Variants in HSD17B4 observed in about 807,000 individuals in gnomAD.
The protein encoded by HSD17B4 is hydroxysteroid 17-beta dehydrogenase 4.
In HSD17B4, 70 loss-of-function variants were observed where a neutral mutation model predicts 101.0. The ratio of observed to expected loss-of-function variants is 0.69; its 90% CI spans 0.57 to 0.85. HSD17B4 has a LOEUF of 0.85. HSD17B4 is among the 40% of genes least tolerant of loss of function. HSD17B4 has a pLI of 0.00. For synonymous variants in HSD17B4, 347 were observed against 297.1 expected (o/e 1.17, Z -1.73); for missense variants, 984 against 892.4 (o/e 1.10, Z -1.31).
intron 1 of HSD17B4, among the ~76,000 whole-genome samples, chr5:119,454,416 T>C (rs559477797): frequency 7.0e-4 from 106 of 151,544 alleles, no homozygotes; most frequent in Non-Finnish European, 1.1e-3. Context: ...AGTGATCCTT[T>C]TGCATCAGCT....
intron 17 of HSD17B4, among the ~76,000 whole-genome samples, chr5:119,517,222 C>T (rs1752701584): frequency 6.6e-6 from 1 of 152,214 alleles, no homozygotes; most frequent in Non-Finnish European, 1.5e-5. Context: ...CCTGCTGGCC[C>T]CGGGCAATGA....
At chr5:119,468,144 T>G (rs1292938361) in intron 2 of HSD17B4, among the ~76,000 whole-genome samples, 1 of 152,106 alleles carries the variant, frequency 6.6e-6, no homozygotes, top group Non-Finnish European at 1.5e-5. Flanking sequence ...AGTTTGGTGG[T>G]TTTTTTGTAG....
rs185862616 is a variant in HSD17B4 at position 119,477,152 on chromosome 5, G to A, written c.350-265G>A. On this transcript the variant is annotated intron_variant, in intron 6 of 23. Coordinates refer to ENST00000510025, the MANE Select transcript of HSD17B4 (RefSeq NM_000414.4). ...TTTATATGAAGTAGGCATAAAATAA[G>A]GGCGTAGCATTATATTTAGATGTGT... Among the ~76,000 whole-genome samples, 481 of 152,218 alleles carry A rather than the reference G, an allele frequency of 3.2e-3. 19 individuals carry two copies. Among genetic ancestry groups the A allele is most frequent in the Admixed American group, 0.03 (465 of 15,284 alleles).
At chr5:119,463,505 T>C (rs1755473836) in intron 2 of HSD17B4, among the ~76,000 whole-genome samples, 1 of 151,228 alleles carries the variant, frequency 6.6e-6, no homozygotes, top group African/African-American at 2.4e-5. Context: ...TTCTTCACAT[T>C]TTTGTCATCC....
intron 21 of HSD17B4, chr5:119,530,199 T>G: frequency 2.0e-6 from 1 of 504,784 alleles, no homozygotes; most frequent in East Asian, 3.3e-5. Flanking sequence ...CTAGGATATC[T>G]TTCAAGAGAA....
intron 4 of HSD17B4, 142 bp from the exon 5 acceptor site, chr5:119,475,562 CTT>C (rs1328733821): frequency 1.1e-5 from 7 of 665,240 alleles, no homozygotes; most frequent in Non-Finnish European, 1.8e-5. Context: ...TAGGTATAGA[CTT>C]TTGTTTTGAA....
chr5:119,456,093 A>G (rs776616825), intron 1 of HSD17B4, among the ~76,000 whole-genome samples: 12 of 152,178 alleles, frequency 7.9e-5, no homozygotes, highest in Non-Finnish European at 1.6e-4. Flanking sequence ...AATGGTAGGA[A>G]GTGGTAGTAG....
chr5:119,531,188 T>C, intron 21 of HSD17B4, 78 bp from the exon 22 acceptor site: 1 of 1,448,042 alleles, frequency 6.9e-7, no homozygotes, highest in Non-Finnish European at 9.7e-7. Context: ...ATCTTTTTTT[T>C]GCACATGTTT....
intron 2 of HSD17B4, among the ~76,000 whole-genome samples, chr5:119,463,539 C>G (rs1047739586): frequency 2.8e-5 from 4 of 141,116 alleles, no homozygotes; most frequent in African/African-American, 1.1e-4. Context: ...TTTTTTTTGC[C>G]TTTTTGATAG....
chr5:119,458,078 A>G (rs1405319563), intron 2 of HSD17B4, among the ~76,000 whole-genome samples: 5 of 152,194 alleles, frequency 3.3e-5, no homozygotes, highest in African/African-American at 7.2e-5. Context: ...TGCTGTGTCT[A>G]TCTATTTTGT....
At chr5:119,525,130 C>G (rs1580695378) in intron 17 of HSD17B4, 86 bp from the exon 18 acceptor site, 2 of 860,208 alleles carry the variant, frequency 2.3e-6, no homozygotes, top group Non-Finnish European at 4.0e-6. Context: ...AATGCTTATA[C>G]CAATAACCAG....
At chr5:119,455,299 A>T (rs1754500257) in intron 1 of HSD17B4, among the ~76,000 whole-genome samples, 1 of 152,134 alleles carries the variant, frequency 6.6e-6, no homozygotes, top group Non-Finnish European at 1.5e-5. Flanking sequence ...TGGGCTGATC[A>T]CGAGGTCAAG....
In HSD17B4 at chr5:119,531,320, G is replaced by A; in HGVS notation, c.1909G>A (p.Asp637Asn). ...VFEEIGRRLK[D>N]IGPEVVKKVN... Reference sequence around the variant, plus strand: ...TGAGGAAATAGGACGCCGCCTAAAGGATATTGGGCCTGAGGTGGTGAAGAA... The same window carrying A: ...TGAGGAAATAGGACGCCGCCTAAAGAATATTGGGCCTGAGGTGGTGAAGAA... Residue 637 changes from aspartate to asparagine, a missense_variant, in exon 22 of 24, where the codon GAT becomes AAT. Physicochemically the swap from Asp to Asn is conservative, Grantham distance 23. Coordinates refer to ENST00000510025, the MANE Select transcript of HSD17B4 (RefSeq NM_000414.4). The A allele has an allele frequency of 6.2e-7, 1 of 1,613,124 alleles. No homozygotes were observed. The highest frequency in any genetic ancestry group is 1.1e-5 in the South Asian group (1 of 91,062).
chr5:119,473,101 C>T (rs1561439199), intron 2 of HSD17B4, among the ~76,000 whole-genome samples: 1 of 151,944 alleles, frequency 6.6e-6, no homozygotes, highest in Non-Finnish European at 1.5e-5. Context: ...GTGCTAATAT[C>T]CTTTGTTATT....
chr5:119,519,650 TC>T (rs1752942856), intron 17 of HSD17B4, among the ~76,000 whole-genome samples: 1 of 152,244 alleles, frequency 6.6e-6, no homozygotes, highest in Admixed American at 6.5e-5. Context: ...CTGATTGCAT[TC>T]CAGATTTTGC....
At chr5:119,536,401 G>A in intron 22 of HSD17B4, 22 bp from the exon 23 acceptor site, 1 of 1,608,736 alleles carries the variant, frequency 6.2e-7, no homozygotes, top group Non-Finnish European at 8.5e-7. Flanking sequence ...GATACACATT[G>A]GTTTCTTCCT....
At chr5:119,465,393 G>T (rs1755706536) in intron 2 of HSD17B4, among the ~76,000 whole-genome samples, 1 of 152,106 alleles carries the variant, frequency 6.6e-6, no homozygotes. Flanking sequence ...TGTGAGATCT[G>T]GTTGTTTAAA....
In HSD17B4 at chr5:119,480,793, C is replaced by T. The variant is rs575578724; in HGVS notation, c.622+1772C>T. On this transcript the variant is annotated intron_variant, in intron 8 of 23. Coordinates refer to ENST00000510025, the MANE Select transcript of HSD17B4 (RefSeq NM_000414.4). Reference sequence around the variant, plus strand: ...CAGTCTCAACCGTAAGAGACAGGTACGCCCCGGGGGGGCCAGTTCAGAGAC... The same window carrying T: ...CAGTCTCAACCGTAAGAGACAGGTATGCCCCGGGGGGGCCAGTTCAGAGAC... Among the ~76,000 whole-genome samples, 49 of 152,238 alleles carry T rather than the reference C, an allele frequency of 3.2e-4. No individual in the cohort carries two copies. The East Asian group carries it at 3.5e-3, about 11-fold the overall frequency.
intron 2 of HSD17B4, among the ~76,000 whole-genome samples, chr5:119,472,186 C>T (rs1400851979): frequency 1.3e-5 from 2 of 152,140 alleles, no homozygotes; most frequent in Non-Finnish European, 2.9e-5. Context: ...GTTGTAAAAA[C>T]TTAAAATATG....
Sources: allele counts gnomAD v4.1 joint callset (sites outside exome capture counted in the v4.1 genomes callset), GRCh38; gene constraint gnomAD v4.1.1; transcripts MANE v1.5; gene names NCBI Gene and HGNC (gene_info 2026-07-23, HGNC 2026-07-21).